KRCC1: variants seen among roughly 807,000 people sequenced by gnomAD.
KRCC1 encodes lysine-rich coiled-coil protein 1.
A neutral mutation model predicts 7.4 loss-of-function variants in KRCC1; 3 were observed. That is an observed-to-expected ratio of 0.40 (90% CI 0.18 to 1.04). The LOEUF is 1.04. Ranked by LOEUF, KRCC1 falls within the 50% of genes least tolerant of loss-of-function variation. The pLI, the probability that KRCC1 is intolerant of heterozygous loss-of-function variation, is 0.33. For synonymous variants in KRCC1, 102 were observed against 101.6 expected (o/e 1.00, Z -0.02); for missense variants, 277 against 300.9 (o/e 0.92, Z 0.59).
chr2:88,044,401 C>CAAAAAAAAAA (rs10527729), intron 1 of KRCC1, among the ~76,000 whole-genome samples: 16 of 146,720 alleles, frequency 1.1e-4, no homozygotes, highest in Admixed American at 1.3e-4. Flanking sequence ...CAAAAGAAAA[C>CAAAAAAAAAA]AAAAAAAAAA....
intron 3 of KRCC1, among the ~76,000 whole-genome samples, chr2:88,029,855 T>TATA (rs70958933): frequency 6.8e-5 from 8 of 117,864 alleles, no homozygotes; most frequent in South Asian, 2.7e-4. Context: ...TATATATATA[T>TATA]TTTTTTTTTT....
At chr2:88,050,909 TATCTTC>T (rs1300227954) in intron 1 of KRCC1, among the ~76,000 whole-genome samples, 17 of 133,718 alleles carry the variant, frequency 1.3e-4, no homozygotes, top group Admixed American at 1.7e-4. Flanking sequence ...ATGCCTTCTA[TATCTTC>T]CTTACTTGCT....
In KRCC1 at chr2:88,037,394, A is replaced by G. The variant is rs556156295; in HGVS notation, c.-290-343T>C. ...CTCAAGAAATGCAGTCGATTTTAAGACAGCTAATGATTCTAGATACATCAC... is the reference window on the plus strand; with the variant it reads ...CTCAAGAAATGCAGTCGATTTTAAGGCAGCTAATGATTCTAGATACATCAC... On this transcript the variant is annotated intron_variant, in intron 1 of 3. Coordinates refer to ENST00000347055, the MANE Select transcript of KRCC1 (RefSeq NM_016618.3). Among the ~76,000 whole-genome samples, 6 of 152,306 alleles carry G rather than the reference A, an allele frequency of 3.9e-5. No individual in the cohort carries two copies. The South Asian group carries it at 8.3e-4, about 21-fold the overall frequency.
At chr2:88,049,803 CAAAT>C (rs1246504942) in intron 1 of KRCC1, among the ~76,000 whole-genome samples, 1 of 152,226 alleles carries the variant, frequency 6.6e-6, no homozygotes, top group African/African-American at 2.4e-5. Flanking sequence ...CTGAAACTAA[CAAAT>C]AATCATTAAT....
intron 1 of KRCC1, among the ~76,000 whole-genome samples, chr2:88,045,871 G>T (rs565702349): frequency 1.3e-5 from 2 of 152,002 alleles, no homozygotes; most frequent in South Asian, 4.2e-4. Context: ...GTAGAGACAG[G>T]GTTTCACCAT....
At chr2:88,029,214 G>A (rs998988637) in intron 3 of KRCC1, among the ~76,000 whole-genome samples, 7 of 152,126 alleles carry the variant, frequency 4.6e-5, no homozygotes, top group African/African-American at 1.7e-4. Flanking sequence ...ACACAACCAC[G>A]GTGGGTGGCT....
At chr2:88,055,264 C>T (rs1673593125) in intron 1 of KRCC1, among the ~76,000 whole-genome samples, 1 of 152,146 alleles carries the variant, frequency 6.6e-6, no homozygotes, top group African/African-American at 2.4e-5. Flanking sequence ...GGGCTTTTCT[C>T]TATTTATCCC....
Position 88,027,686 on chromosome 2 carries a change from C to A in KRCC1, c.*98G>T, listed in dbSNP as rs1027648195. 22 of 1,023,938 alleles carry A rather than the reference C, an allele frequency of 2.1e-5. No individual in the cohort carries two copies. Among genetic ancestry groups the A allele is most frequent in the East Asian group, 1.2e-4 (5 of 41,124 alleles). The allele number at this position is 1,023,938 out of a possible 1,614,324, so 63.4% of individuals were successfully genotyped here. A position where few individuals can be genotyped will look rare whatever the true frequency, so the allele number is the denominator to read the frequency against. On this transcript the variant is annotated 3_prime_UTR_variant, in exon 4 of 4. Coordinates refer to ENST00000347055, the MANE Select transcript of KRCC1 (RefSeq NM_016618.3). ...AGGCCTTTGTTAGAAGTTAAAGAAC[C>A]TATTCACATAAGAAAAGTGGTATGA... is the stretch of plus-strand genomic sequence containing the variant.
chr2:88,040,905 G>C (rs554202255), intron 1 of KRCC1, among the ~76,000 whole-genome samples: 58 of 152,256 alleles, frequency 3.8e-4, no homozygotes, highest in East Asian at 3.3e-3. Flanking sequence ...CATGAGTAAA[G>C]AAAGGGTATT....
intron 1 of KRCC1, among the ~76,000 whole-genome samples, chr2:88,054,930 C>G (rs921171689): frequency 2.6e-5 from 4 of 152,204 alleles, no homozygotes; most frequent in African/African-American, 9.6e-5. Flanking sequence ...GATCGCGCCA[C>G]TGCACTCCAG....
intron 1 of KRCC1, among the ~76,000 whole-genome samples, chr2:88,050,274 T>A (rs190577113): frequency 1.3e-5 from 2 of 152,358 alleles, no homozygotes; most frequent in Non-Finnish European, 2.9e-5. Context: ...ACTCAATAAG[T>A]AGCCAGAAAT....
chr2:88,047,581 T>C (rs768568009), intron 1 of KRCC1, among the ~76,000 whole-genome samples: 4 of 152,182 alleles, frequency 2.6e-5, no homozygotes, highest in Non-Finnish European at 5.9e-5. Flanking sequence ...CAGGCTAGAG[T>C]GCGGTGGCGT....
intron 1 of KRCC1, among the ~76,000 whole-genome samples, chr2:88,052,418 TTCC>T (rs1334137242): frequency 1.3e-5 from 2 of 152,254 alleles, no homozygotes; most frequent in African/African-American, 4.8e-5. Flanking sequence ...ACGCTGAAAC[TTCC>T]TCAATAAATG....
intron 2 of KRCC1, among the ~76,000 whole-genome samples, chr2:88,034,612 T>C (rs1673056465): frequency 6.6e-6 from 1 of 152,236 alleles, no homozygotes; most frequent in Non-Finnish European, 1.5e-5. Context: ...ACTTCAAATG[T>C]TGATCATTTC....
chr2:88,045,905 CCT>C (rs999641913), intron 1 of KRCC1, among the ~76,000 whole-genome samples: 9 of 152,110 alleles, frequency 5.9e-5, no homozygotes, highest in African/African-American at 2.2e-4. Flanking sequence ...GTCTCAAACT[CCT>C]GATTTCAGGT....
intron 1 of KRCC1, among the ~76,000 whole-genome samples, chr2:88,047,375 CCCTG>C (rs1673360880): frequency 6.6e-6 from 1 of 150,736 alleles, no homozygotes; most frequent in South Asian, 2.1e-4. Flanking sequence ...AGCCACTGTG[CCCTG>C]CCTAATTTAA....
intron 1 of KRCC1, among the ~76,000 whole-genome samples, chr2:88,046,205 T>G (rs1309303856): frequency 6.6e-6 from 1 of 152,216 alleles, no homozygotes; most frequent in African/African-American, 2.4e-5. Context: ...GCTCCATTGC[T>G]CCTTTGAGTG....
At chr2:88,053,316 TTACTGCTAG>T (rs1282486165) in intron 1 of KRCC1, among the ~76,000 whole-genome samples, 1 of 152,234 alleles carries the variant, frequency 6.6e-6, no homozygotes, top group African/African-American at 2.4e-5. Context: ...AATAGAAAGG[TTACTGCTAG>T]TACTGTGTGA....
intron 3 of KRCC1, among the ~76,000 whole-genome samples, chr2:88,033,250 G>A (rs370259180): frequency 7.0e-4 from 106 of 151,426 alleles, no homozygotes; most frequent in African/African-American, 2.5e-3. Context: ...ATGGCTGGGC[G>A]CGGTGGCTCA....
Sources: allele counts gnomAD v4.1 joint callset (sites outside exome capture counted in the v4.1 genomes callset), GRCh38; gene constraint gnomAD v4.1.1; transcripts MANE v1.5; gene names NCBI Gene and HGNC (gene_info 2026-07-23, HGNC 2026-07-21).